Variants in GRID2 observed in about 807,000 individuals in gnomAD.
The protein encoded by GRID2 is glutamate receptor ionotropic, delta-2.
Under a neutral mutation model 114.8 loss-of-function variants are expected in GRID2, and 33 were observed. The ratio of observed to expected loss-of-function variants is 0.29; its 90% CI spans 0.22 to 0.38. The LOEUF is 0.38. Among genes scored for constraint, GRID2 ranks in the 10% least tolerant of loss-of-function variants. The pLI is 1.00. For missense variants in GRID2, 1,184 were observed against 1,257.7 expected (o/e 0.94, Z 0.89); for synonymous variants, 505 against 449.9 (o/e 1.12, Z -1.55).
chr4:93,735,195 A>G (rs543320875), intron 14 of GRID2, among the ~76,000 whole-genome samples: 1 of 151,992 alleles, frequency 6.6e-6, no homozygotes, highest in Non-Finnish European at 1.5e-5. Flanking sequence ...GTTGTTCTAT[A>G]ACTAAACAAA....
At chr4:92,591,688 A>C (rs892885418) in intron 2 of GRID2, among the ~76,000 whole-genome samples, 4 of 152,164 alleles carry the variant, frequency 2.6e-5, no homozygotes, top group African/African-American at 9.6e-5. Context: ...TTTTCAATCA[A>C]TAGCACTGGC....
intron 2 of GRID2, among the ~76,000 whole-genome samples, chr4:92,744,694 T>C (rs1338773466): frequency 6.6e-6 from 1 of 152,086 alleles, no homozygotes; most frequent in Non-Finnish European, 1.5e-5. Context: ...TTTTCCTTAA[T>C]TTGAAAATCT....
intron 8 of GRID2, among the ~76,000 whole-genome samples, 178 bp downstream of exon 8, chr4:93,238,668 A>G (rs1328713026): frequency 6.6e-6 from 1 of 151,842 alleles, no homozygotes; most frequent in East Asian, 1.9e-4. Flanking sequence ...AGAAGTATTA[A>G]GCAAGAAATT....
At chr4:93,668,517 C>T (rs1306437208) in intron 14 of GRID2, among the ~76,000 whole-genome samples, 3 of 151,882 alleles carry the variant, frequency 2.0e-5, no homozygotes, top group African/African-American at 4.8e-5. Flanking sequence ...ATGTGTTAGT[C>T]ACATTGTATA....
chr4:92,355,666 T>C (rs1728285485), intron 1 of GRID2, among the ~76,000 whole-genome samples: 1 of 151,838 alleles, frequency 6.6e-6, no homozygotes, highest in Non-Finnish European at 1.5e-5. Context: ...CAAAAATATT[T>C]GGAACAAATT....
At chr4:93,602,581 G>A (rs1429646960) in intron 13 of GRID2, among the ~76,000 whole-genome samples, 1 of 152,132 alleles carries the variant, frequency 6.6e-6, no homozygotes, top group Non-Finnish European at 1.5e-5. Context: ...TTGTTATGAG[G>A]CACTGTGAAC....
intron 2 of GRID2, among the ~76,000 whole-genome samples, chr4:92,809,426 A>T (rs545463724): frequency 6.6e-6 from 1 of 151,970 alleles, no homozygotes; most frequent in Non-Finnish European, 1.5e-5. Context: ...TTTAGTGCCT[A>T]CTCATACAGT....
intron 1 of GRID2, among the ~76,000 whole-genome samples, chr4:92,400,458 A>C (rs1730732563): frequency 6.6e-6 from 1 of 152,152 alleles, no homozygotes; most frequent in Non-Finnish European, 1.5e-5. Flanking sequence ...TTATTGTCAA[A>C]TAATATCCCA....
intron 11 of GRID2, among the ~76,000 whole-genome samples, chr4:93,476,210 G>T (rs373925832): frequency 2.6e-5 from 4 of 152,174 alleles, no homozygotes; most frequent in African/African-American, 9.6e-5. Flanking sequence ...GGTATACAAT[G>T]ATGTGTTAAA....
intron 8 of GRID2, among the ~76,000 whole-genome samples, chr4:93,267,286 A>T (rs1750958844): frequency 6.6e-6 from 1 of 151,798 alleles, no homozygotes. Flanking sequence ...CGCTGCACCC[A>T]CTAACTCTAC....
rs894664749 is a variant in GRID2, at chr4:92,416,868, C to T, written c.88+112124C>T. 2.0e-5 allele frequency among the ~76,000 whole-genome samples: 3 copies of T among 151,892 alleles called. No homozygotes were observed. In the East Asian group the frequency reaches 5.8e-4, roughly 29 times the overall value. On this transcript the variant is annotated intron_variant, in intron 1 of 15. Transcript: ENST00000282020. ...TCTGGATTTGTTCTTTTTGCTTAGTCTTGCTTTAGCTATGCATGGTATTTT... is the reference window on the plus strand; with the variant it reads ...TCTGGATTTGTTCTTTTTGCTTAGTTTTGCTTTAGCTATGCATGGTATTTT...
chr4:93,121,664 C>CTAGCTCAAGGAGTACGCAT (rs1352094797), intron 4 of GRID2, among the ~76,000 whole-genome samples: 1 of 152,060 alleles, frequency 6.6e-6, no homozygotes, highest in Non-Finnish European at 1.5e-5. Flanking sequence ...AATGAAATTG[C>CTAGCTCAAGGAGTACGCAT]TAGCTCAAGG....
chr4:93,321,947 A>C (rs994195089), intron 8 of GRID2, among the ~76,000 whole-genome samples: 14 of 151,810 alleles, frequency 9.2e-5, no homozygotes, highest in Non-Finnish European at 1.8e-4. Flanking sequence ...TTTTTATATA[A>C]TCAATACTTT....
At chr4:92,767,244 T>C (rs1028911258) in intron 2 of GRID2, among the ~76,000 whole-genome samples, 5 of 152,176 alleles carry the variant, frequency 3.3e-5, no homozygotes, top group African/African-American at 1.2e-4. Flanking sequence ...ACAGAAAGTA[T>C]CTGGGTCCCT....
intron 8 of GRID2, among the ~76,000 whole-genome samples, chr4:93,390,079 G>A (rs1764708744): frequency 6.6e-6 from 1 of 152,100 alleles, no homozygotes; most frequent in South Asian, 2.1e-4. Flanking sequence ...GTGAGCCACC[G>A]CACCCAGCCT....
chr4:92,450,913 A>C (rs1720890977), intron 1 of GRID2, among the ~76,000 whole-genome samples: 1 of 106,374 alleles, frequency 9.4e-6, no homozygotes, highest in Non-Finnish European at 1.9e-5. Flanking sequence ...AAAATAAAAT[A>C]ATATTTAAAT....
intron 10 of GRID2, among the ~76,000 whole-genome samples, chr4:93,451,038 A>G (rs1407305972): frequency 1.3e-5 from 2 of 152,028 alleles, no homozygotes; most frequent in African/African-American, 4.8e-5. Flanking sequence ...AAAAGATGGA[A>G]GAGATTTATA....
intron 1 of GRID2, among the ~76,000 whole-genome samples, chr4:92,466,885 A>G (rs916211495): frequency 2.6e-5 from 4 of 151,738 alleles, no homozygotes; most frequent in Admixed American, 1.3e-4. Flanking sequence ...GGATGCATAC[A>G]GGGCTAATAC....
chr4:92,485,338 A>AG (rs1392470965), intron 1 of GRID2, among the ~76,000 whole-genome samples: 202 of 91,002 alleles, frequency 2.2e-3, no homozygotes, highest in East Asian at 7.7e-3. Context: ...ATATATATAT[A>AG]TATATATATA....
Sources: allele counts gnomAD v4.1 joint callset (sites outside exome capture counted in the v4.1 genomes callset), GRCh38; gene constraint gnomAD v4.1.1; transcripts MANE v1.5; gene names NCBI Gene and HGNC (gene_info 2026-07-23, HGNC 2026-07-21).